The following ZNF318 variants were observed in gnomAD, a reference collection of about 807,000 sequenced individuals.
The protein encoded by ZNF318 is zinc finger protein 318, also known as endocrine regulator.
ZNF318 carries 51 observed loss-of-function variants against 124.2 expected under a neutral mutation model. The observed-to-expected ratio is 0.41, with a 90% CI of 0.33 to 0.52. ZNF318 has a LOEUF of 0.52. ZNF318 is among the 20% of genes least tolerant of loss of function. The pLI is 0.23. For missense variants in ZNF318, 2,815 were observed against 2,811.2 expected (o/e 1.00, Z -0.03); for synonymous variants, 1,090 against 1,040.7 (o/e 1.05, Z -0.91).
rs762954195 is a variant in ZNF318, at chr6:43,357,559, C to T, written c.755G>A (p.Arg252Gln). Residue 252 changes from arginine (R) to glutamine (Q), a missense_variant, in exon 3 of 10, where the codon CGG becomes CAG. Coordinates refer to ENST00000361428, the MANE Select transcript of ZNF318 (RefSeq NM_014345.3). ...GTAGCCTTTGAGTTTTTCTCGATTC[C>T]GTTCTGTTCCCCGCAACAGCTCATC... ...CHDELLRGTE[R>Q]NREKLKGYSI... 3.7e-6 allele frequency: 6 copies of T among 1,613,956 alleles called. No homozygotes were observed. Among genetic ancestry groups the T allele is most frequent in the East Asian group, 2.2e-5 (1 of 44,890 alleles).
intron 6 of ZNF318, 84 bp downstream of exon 6, chr6:43,348,240 A>C: frequency 7.4e-7 from 1 of 1,345,052 alleles, no homozygotes; most frequent in Admixed American, 2.2e-5. Flanking sequence ...ACAGTTTGAA[A>C]ACCTAAGTTA....
Position 43,338,500 on chromosome 6 carries a change from T to C in ZNF318, c.5498A>G (p.Lys1833Arg). The change falls in exon 10 of 10, where the codon AAA becomes AGA. Residue 1833 changes from lysine to arginine, a missense_variant. Physicochemically the swap from Lys to Arg is conservative, Grantham distance 26 (BLOSUM62 2). Transcript: ENST00000361428. ...VKQPNLLMID[K>R]EAEQSNKLMT... Reference sequence around the variant, plus strand: ...CAATTTATTGGACTGTTCAGCCTCTTTGTCAATCATTAGCAAGTTGGGCTG... The same window carrying C: ...CAATTTATTGGACTGTTCAGCCTCTCTGTCAATCATTAGCAAGTTGGGCTG... 1.2e-6 allele frequency: 2 copies of C among 1,614,252 alleles called. No homozygotes were observed. The highest frequency in any genetic ancestry group is 1.6e-4 in the Middle Eastern group (1 of 6,062).
At position 43,355,345 on chromosome 6, in the gene ZNF318, G is replaced by A. The variant is rs766651411; in HGVS notation, c.1989C>T (p.Cys663=). Residue 663 remains cysteine, a synonymous_variant, in exon 4 of 10, where the codon TGC becomes TGT. Coordinates refer to ENST00000361428, the MANE Select transcript of ZNF318 (RefSeq NM_014345.3). ...SADRCSSVDH[C]FSADRRSSDP... is the part of the protein sequence containing the mutation. ...CTGAGGAACGTCGATCAGCTGAGAA[G>A]CAGTGGTCAACTGAGGAACAGCGGT... 2 of 1,614,214 alleles carry A rather than the reference G, an allele frequency of 1.2e-6. No individual in the cohort carries two copies. Among genetic ancestry groups the A allele is most frequent in the South Asian group, 2.2e-5 (2 of 91,072 alleles).
In ZNF318 at chr6:43,365,286, G is replaced by A. The variant is rs1439359674; in HGVS notation, c.548+6C>T. 2 of 1,613,324 alleles carry A rather than the reference G, an allele frequency of 1.2e-6. No individual in the cohort carries two copies. Among genetic ancestry groups the A allele is most frequent in the South Asian group, 2.2e-5 (2 of 91,046 alleles). On this transcript the variant is annotated splice_donor_region_variant and intron_variant, in intron 2 of 9. Coordinates refer to ENST00000361428, the MANE Select transcript of ZNF318 (RefSeq NM_014345.3). ...TATAGTAGGCCCTGCCTTAGGTGAT[G>A]CCTACCTGTCCATGTCTTCCAGATT...
chr6:43,339,241 GC>G lies in ZNF318; in HGVS notation c.4756del (p.Ala1586ProfsTer6). Reference protein sequence around the residue: ...GGKGAPETKGAPETKLSGGPL... With the variant: ...GGKGAPETKGXPETKLSGGPL... ...ACCACCACTTAGCTTAGTCTCAGGG[GC>G]CCCCTTAGTCTCAGGGGCCCCCTTT... On this transcript the variant is annotated frameshift_variant, in exon 10 of 10. Coordinates refer to ENST00000361428, the MANE Select transcript of ZNF318 (RefSeq NM_014345.3). LOFTEE classifies it low-confidence loss of function (END_TRUNC). This position sits in a 1 kb window ranked among gnomAD's most constrained non-coding sequence, Gnocchi z 4.2. The G allele has an allele frequency of 6.2e-7, 1 of 1,610,600 alleles. No individual in the cohort carries two copies. Among genetic ancestry groups the G allele is most frequent in the Non-Finnish European group, 8.5e-7 (1 of 1,178,094 alleles).
intron 2 of ZNF318, chr6:43,363,591 G>C (rs1779716416): frequency 2.7e-6 from 1 of 366,862 alleles, no homozygotes; most frequent in African/African-American, 2.2e-5. Flanking sequence ...CCAAGGATAA[G>C]GAGTGGATGC....
At chr6:43,366,996 T>A (rs538543512) in intron 1 of ZNF318, among the ~76,000 whole-genome samples, 64 of 151,690 alleles carry the variant, frequency 4.2e-4, no homozygotes, top group Admixed American at 3.5e-3. Context: ...GGACTACAGG[T>A]GCCCGCCACC....
chr6:43,347,219 A>G (rs1670824102), intron 6 of ZNF318, among the ~76,000 whole-genome samples: 1 of 152,244 alleles, frequency 6.6e-6, no homozygotes, highest in Non-Finnish European at 1.5e-5. Flanking sequence ...TTGAGGAATG[A>G]AAAGGTTAGT....
intron 1 of ZNF318, 129 bp from the exon 2 acceptor site, chr6:43,365,569 G>A: frequency 1.2e-6 from 1 of 851,120 alleles, no homozygotes; most frequent in Non-Finnish European, 1.8e-6. Context: ...CACTTTGGGA[G>A]GCTGAGGTGT....
chr6:43,352,261 A>AC, intron 5 of ZNF318, 116 bp downstream of exon 5: 4 of 757,346 alleles, frequency 5.3e-6, no homozygotes, highest in South Asian at 1.8e-5. Flanking sequence ...AAGTTTAATT[A>AC]CGTCAAAAAA....
rs2150748953 is a variant in ZNF318, at chr6:43,340,041, A to G, written c.3957T>C (p.Pro1319=). The change falls in exon 10 of 10, where the codon CCT becomes CCC. Residue 1319 remains proline, a synonymous_variant. Coordinates refer to ENST00000361428, the MANE Select transcript of ZNF318 (RefSeq NM_014345.3). ...DGKTEAGKAK[P]IKIKLSGKTV... Reference sequence around the variant, plus strand: ...TTTTCCCAGAGAGCTTGATTTTGATAGGCTTTGCCTTCCCAGCTTCAGTTT... The same window carrying G: ...TTTTCCCAGAGAGCTTGATTTTGATGGGCTTTGCCTTCCCAGCTTCAGTTT... 1.9e-6 allele frequency: 3 copies of G among 1,614,172 alleles called. No homozygotes were observed. In the South Asian group the frequency reaches 3.3e-5, roughly 18 times the overall value.
chr6:43,343,505 T>C (rs1779399581), intron 6 of ZNF318, among the ~76,000 whole-genome samples: 1 of 152,162 alleles, frequency 6.6e-6, no homozygotes, highest in African/African-American at 2.4e-5. Context: ...AAAACATTCC[T>C]AACTGCCTAA....
At chr6:43,364,984 A>AT (rs1779739700) in intron 2 of ZNF318, among the ~76,000 whole-genome samples, 1 of 152,186 alleles carries the variant, frequency 6.6e-6, no homozygotes. Flanking sequence ...TTTAGAATCT[A>AT]TACCATCTCA....
rs886688836 is a variant in ZNF318 at position 43,369,236 on chromosome 6, G to A, written c.130C>T (p.Pro44Ser). Residue 44 changes from proline to serine, a missense_variant, in exon 1 of 10, where the codon CCG (proline) becomes TCG (serine). This residue lies in a region of ZNF318 where 1,377 missense variants were observed against 1,353.5 expected (regional missense o/e 1.02). Transcript: ENST00000361428. Reference protein sequence around the residue: ...GPARRSSPPPPPSGSSSRTPA... With the variant: ...GPARRSSPPPSPSGSSSRTPA... ...GTCCGCGACGAGGAGCCGGAGGGCG[G>A]AGGCGGCGGTGAGCTGCGGCGAGCC... 6.5e-6 allele frequency: 8 copies of A among 1,234,166 alleles called. No homozygotes were observed. The highest frequency in any genetic ancestry group is 2.0e-6 in the Non-Finnish European group (2 of 988,494). 76.5% of individuals were successfully genotyped at this position (1,234,166 alleles called of 1,614,324 possible).
intron 2 of ZNF318, among the ~76,000 whole-genome samples, chr6:43,359,452 G>A (rs1779652850): frequency 6.6e-6 from 1 of 152,092 alleles, no homozygotes. Context: ...TAGAAATAAA[G>A]ATCCTCTAGC....
intron 6 of ZNF318, among the ~76,000 whole-genome samples, chr6:43,345,652 T>C (rs1779429200): frequency 1.3e-5 from 2 of 152,206 alleles, no homozygotes; most frequent in Admixed American, 1.3e-4. Flanking sequence ...GCCTACCTGG[T>C]TGAGAAAGAA....
chr6:43,357,587 G>C lies in ZNF318; in HGVS notation c.727C>G (p.His243Asp). The C allele has an allele frequency of 6.2e-7, 1 of 1,614,120 alleles. No homozygotes were observed. Among genetic ancestry groups the C allele is most frequent in the Non-Finnish European group, 8.5e-7 (1 of 1,180,036 alleles). Reference sequence around the variant, plus strand: ...TCTGTTCCCCGCAACAGCTCATCATGACAACTGATATGGGGACTATAATCA... The same window carrying C: ...TCTGTTCCCCGCAACAGCTCATCATCACAACTGATATGGGGACTATAATCA... ...RSDYSPHISCHDELLRGTERN... is the reference protein window; with the variant it reads ...RSDYSPHISCDDELLRGTERN... Residue 243 changes from histidine to aspartate, a missense_variant, in exon 3 of 10, where the codon CAT (histidine) becomes GAT (aspartate). This residue lies in a region of ZNF318 where 1,377 missense variants were observed against 1,353.5 expected (regional missense o/e 1.02). Coordinates refer to ENST00000361428, the MANE Select transcript of ZNF318 (RefSeq NM_014345.3).
chr6:43,349,385 TC>T (rs1779496791), intron 5 of ZNF318, among the ~76,000 whole-genome samples: 3 of 149,142 alleles, frequency 2.0e-5, no homozygotes, highest in Non-Finnish European at 4.5e-5. Context: ...CTCTGGTTTA[TC>T]TTTTTTTTTT....
In ZNF318 at chr6:43,339,655, G is replaced by T. The variant is rs751301749; in HGVS notation, c.4343C>A (p.Pro1448Gln). Residue 1448 changes from proline (P) to glutamine (Q), a missense_variant, in exon 10 of 10, where the codon CCA (proline) becomes CAA (glutamine). Coordinates refer to ENST00000361428, the MANE Select transcript of ZNF318 (RefSeq NM_014345.3). The surrounding 1 kb of genome is among the most constrained non-coding windows in gnomAD (Gnocchi z 4.2). ...EQILPPPPPP[P>Q]PPPPPPPPVI... ...GGGGGGTGGTGGAGGTGGTGGAGGT[G>T]GGGGTGGTGGAGGAGGTGGTAGTAT... 2 of 1,611,686 alleles carry T rather than the reference G, an allele frequency of 1.2e-6. No individual in the cohort carries two copies. The highest frequency in any genetic ancestry group is 2.2e-5 in the South Asian group (2 of 90,950).
Sources: gnomAD v4.1 joint callset for allele counts (sites outside exome capture counted in the v4.1 genomes callset) on GRCh38, gnomAD v4.1.1 for gene constraint, gnomAD v4.1.1 regional missense constraint, Gnocchi (gnomAD v3.1) non-coding constraint, MANE v1.5 for transcripts, NCBI Gene and HGNC (gene_info 2026-07-23, HGNC 2026-07-21) for gene names.